The following TMC2 variants were observed in gnomAD, a reference collection of about 807,000 sequenced individuals.
The protein encoded by TMC2 is transmembrane channel-like protein 2.
In TMC2, 102 loss-of-function variants were observed where a neutral mutation model predicts 105.9. The observed-to-expected ratio is 0.96, with a 90% CI of 0.82 to 1.14. The LOEUF is 1.14. Ranked by LOEUF, TMC2 falls within the 50% of genes most tolerant of loss-of-function variation. The pLI is 0.00. For synonymous variants in TMC2, 402 were observed against 422.8 expected (o/e 0.95, Z 0.60); for missense variants, 1,093 against 1,134.3 (o/e 0.96, Z 0.52).
rs1412101006 is a variant in TMC2, at chr20:2,593,444, GAGTA to G, written c.933+1039_933+1042del. Among the ~76,000 whole-genome samples, 46 of 152,320 alleles carry G rather than the reference GAGTA, an allele frequency of 3.0e-4. No homozygotes were observed. The East Asian group carries it at 8.5e-3, about 28-fold the overall frequency. ...AAGAAAATCAGTGAATATCTGGACT[GAGTA>G]AGAAAAAGCCACGGAGTTTTTCATC... On this transcript the variant is annotated intron_variant, in intron 8 of 19. Coordinates refer to ENST00000358864, the MANE Select transcript of TMC2 (RefSeq NM_080751.3).
At chr20:2,555,230 G>A (rs1297831202) in intron 2 of TMC2, among the ~76,000 whole-genome samples, 3 of 152,006 alleles carry the variant, frequency 2.0e-5, no homozygotes, top group South Asian at 2.1e-4. Flanking sequence ...ACAGGCATGC[G>A]CCACGATGCC....
chr20:2,581,655 CA>C (rs2086190963), intron 7 of TMC2, among the ~76,000 whole-genome samples: 1 of 152,140 alleles, frequency 6.6e-6, no homozygotes, highest in Non-Finnish European at 1.5e-5. Flanking sequence ...GCTTTTATTC[CA>C]TGAGAAGAGA....
chr20:2,573,432 G>T (rs556301397), intron 5 of TMC2, among the ~76,000 whole-genome samples: 1 of 151,628 alleles, frequency 6.6e-6, no homozygotes, highest in Admixed American at 6.6e-5. Flanking sequence ...TTGCAAATGC[G>T]ATCATTTTTC....
Position 2,572,212 on chromosome 20 carries a change from T to G in TMC2, c.588T>G (p.Gly196=), listed in dbSNP as rs1466720797. 1 of 1,612,600 alleles carries G rather than the reference T, an allele frequency of 6.2e-7. No individual in the cohort carries two copies. The highest frequency in any genetic ancestry group is 8.5e-7 in the Non-Finnish European group (1 of 1,179,754). Reference sequence around the variant, plus strand: ...AGGAATTTGTGGAGAAGTATGAAGGTGCCTTGGGAAAGGGGAAAGGCAAGC... The same window carrying G: ...AGGAATTTGTGGAGAAGTATGAAGGGGCCTTGGGAAAGGGGAAAGGCAAGC... The part of the protein sequence containing the change: ...EAQEFVEKYE[G]ALGKGKGKQL... The change falls in exon 5 of 20, where the codon GGT becomes GGG. Residue 196 remains glycine (G), a synonymous_variant. Coordinates refer to ENST00000358864, the MANE Select transcript of TMC2 (RefSeq NM_080751.3).
intron 5 of TMC2, among the ~76,000 whole-genome samples, chr20:2,576,139 G>A (rs911255523): frequency 6.6e-6 from 1 of 152,152 alleles, no homozygotes; most frequent in African/African-American, 2.4e-5. Context: ...TTTATTGACA[G>A]GACATGTAGC....
chr20:2,557,718 A>G (rs2085993397), intron 2 of TMC2, among the ~76,000 whole-genome samples: 1 of 152,132 alleles, frequency 6.6e-6, no homozygotes, highest in African/African-American at 2.4e-5. Context: ...TTTAGTACAG[A>G]TGGGGTTTCA....
chr20:2,626,999 C>T (rs1405900540), intron 17 of TMC2, among the ~76,000 whole-genome samples: 1 of 152,170 alleles, frequency 6.6e-6, no homozygotes, highest in Non-Finnish European at 1.5e-5. Context: ...GATTGGTCAG[C>T]TGTTTGATTG....
At chr20:2,636,832 C>T (rs1372465585) in intron 18 of TMC2, among the ~76,000 whole-genome samples, 3 of 152,082 alleles carry the variant, frequency 2.0e-5, no homozygotes, top group African/African-American at 7.2e-5. Context: ...AGGATGGTCA[C>T]CATATCTTGA....
intron 7 of TMC2, among the ~76,000 whole-genome samples, chr20:2,583,677 G>A (rs944821733): frequency 6.6e-6 from 1 of 152,074 alleles, no homozygotes; most frequent in Non-Finnish European, 1.5e-5. Context: ...TGGCCTGGCT[G>A]GTCTTGAATC....
At chr20:2,543,378 G>A (rs1161998810) in intron 2 of TMC2, among the ~76,000 whole-genome samples, 1 of 152,220 alleles carries the variant, frequency 6.6e-6, no homozygotes. Context: ...TCTTACAGAG[G>A]GGAAGGAAGG....
At chr20:2,602,081 C>T (rs774718455) in intron 10 of TMC2, 32 bp from the exon 11 acceptor site, 23 of 1,545,204 alleles carry the variant, frequency 1.5e-5, no homozygotes, top group East Asian at 4.6e-5. Flanking sequence ...TCTGGCCTGA[C>T]ATTTATGCAC....
chr20:2,567,901 A>T lies in TMC2; in HGVS notation c.555-4278A>T, dbSNP rs930396230. On this transcript the variant is annotated intron_variant, in intron 4 of 19. Coordinates refer to ENST00000358864, the MANE Select transcript of TMC2 (RefSeq NM_080751.3). ...ACAGAATGAAGAGAACAGAGTAAAAACTCAGTGAACTTGGAGATAGAACAA... is the reference window on the plus strand; with the variant it reads ...ACAGAATGAAGAGAACAGAGTAAAATCTCAGTGAACTTGGAGATAGAACAA... 2.6e-5 allele frequency among the ~76,000 whole-genome samples: 4 copies of T among 152,332 alleles called. No individual in the cohort carries two copies. In the South Asian group the frequency reaches 8.3e-4, roughly 32 times the overall value.
intron 2 of TMC2, among the ~76,000 whole-genome samples, chr20:2,554,968 A>G (rs544611940): frequency 1.6e-4 from 25 of 152,364 alleles, no homozygotes; most frequent in Non-Finnish European, 2.4e-4. Context: ...TATTCAGTTC[A>G]ACTATGTCCT....
chr20:2,617,359 T>C (rs2086492168), intron 16 of TMC2, 48 bp downstream of exon 16: 35 of 1,608,118 alleles, frequency 2.2e-5, no homozygotes, highest in Non-Finnish European at 3.0e-5. Context: ...CGAGGCAGTC[T>C]GCTCAGAGGG....
rs2085996728 is a variant in TMC2, at chr20:2,558,275, T to G, written c.83-181T>G. 1 of 1,411,488 alleles carries G rather than the reference T, an allele frequency of 7.1e-7. No homozygotes were observed. The highest frequency in any genetic ancestry group is 1.4e-5 in the African/African-American group (1 of 68,982). 87.4% of individuals were successfully genotyped at this position (1,411,488 alleles called of 1,614,324 possible). A position where few individuals can be genotyped will look rare whatever the true frequency, so the allele number is the denominator to read the frequency against. On this transcript the variant is annotated intron_variant, in intron 2 of 19. Transcript: ENST00000358864. The surrounding 1 kb of genome is among the most constrained non-coding windows in gnomAD (Gnocchi z 4.6). ...TTCCTGCTTCTGCAGTTTTCTTAGT[T>G]TCCTTCAGCTTAAAATACTCAACAT...
intron 2 of TMC2, among the ~76,000 whole-genome samples, chr20:2,540,490 G>A (rs1237958965): frequency 1.3e-5 from 2 of 151,770 alleles, no homozygotes; most frequent in Non-Finnish European, 2.9e-5. Context: ...GTGAAACCCT[G>A]TCTCTACTAA....
intron 10 of TMC2, among the ~76,000 whole-genome samples, chr20:2,601,713 G>A (rs2086352900): frequency 6.6e-6 from 1 of 152,078 alleles, no homozygotes; most frequent in Admixed American, 6.6e-5. Flanking sequence ...GGTGGTGCAT[G>A]CCTGTAATCC....
At chr20:2,561,830 T>C in intron 3 of TMC2, 28 bp from the exon 4 acceptor site, 2 of 1,601,686 alleles carry the variant, frequency 1.2e-6, no homozygotes, top group Non-Finnish European at 1.7e-6. Context: ...CCAACTTCCC[T>C]CTGCCTCCGC....
chr20:2,608,765 A>C (rs965546551), intron 11 of TMC2, among the ~76,000 whole-genome samples: 2 of 152,164 alleles, frequency 1.3e-5, no homozygotes, highest in African/African-American at 4.8e-5. Context: ...TTTAAATGTT[A>C]TATCCTTATT....
Sources: gnomAD v4.1 joint callset for allele counts (sites outside exome capture counted in the v4.1 genomes callset) on GRCh38, gnomAD v4.1.1 for gene constraint, Gnocchi (gnomAD v3.1) non-coding constraint, MANE v1.5 for transcripts, NCBI Gene and HGNC (gene_info 2026-07-23, HGNC 2026-07-21) for gene names.